The following LCORL variants were observed in gnomAD, a reference collection of about 807,000 sequenced individuals.
LCORL encodes the protein ligand-dependent nuclear receptor corepressor-like protein.
LCORL carries 41 observed loss-of-function variants against 141.8 expected under a neutral mutation model. The observed-to-expected ratio is 0.29, with a 90% confidence interval of 0.23 to 0.38. LCORL has a LOEUF of 0.38. Among genes scored for constraint, LCORL ranks in the 10% least tolerant of loss-of-function variants. LCORL has a pLI of 1.00. For synonymous variants in LCORL, 618 were observed against 694.1 expected, an observed-to-expected ratio of 0.89 and a Z score of 1.72; for missense variants, 1,759 against 2,035.0, an observed-to-expected ratio of 0.86 and a Z score of 2.61.
exon 7 of LCORL, chr4:17,873,653 C>G: frequency 8.1e-7 from 1 of 1,233,922 alleles, no homozygotes; most frequent in Non-Finnish European, 1.0e-6. Flanking sequence ...AAGAATTTTG[C>G]CTAGCAGAAT....
At chr4:17,881,887 C>A in intron 6 of LCORL, 2 of 983,084 alleles carry the variant, frequency 2.0e-6, no homozygotes, top group Non-Finnish European at 1.2e-6. Flanking sequence ...AATGCAAGTT[C>A]TGGCCCTCAC....
At position 17,972,256 on chromosome 4, in the gene LCORL, C is replaced by G. The variant is rs113065380; in HGVS notation, c.220+564G>C. ...TTTAAAAAATGTTTTACAACTCTAG[C>G]TCTTCAGATATTAGAAAGACATGTC... On this transcript the variant is annotated intron_variant, in intron 2 of 7. Transcript: ENST00000635767. Among the ~76,000 whole-genome samples the G allele has an allele frequency of 7.6e-3, 1,147 of 151,860 alleles. 11 individuals are homozygous for G. Among genetic ancestry groups the G allele is most frequent in the African/African-American group, 0.026 (1,088 of 41,516 alleles).
At chr4:17,961,829 A>C in intron 4 of LCORL, 74 bp downstream of exon 4, 2 of 1,268,816 alleles carry the variant, frequency 1.6e-6, no homozygotes, top group South Asian at 2.8e-5. Context: ...CATATAAAAA[A>C]CTTTTGTGTA....
chr4:18,001,907 A>G (rs1203410893), intron 1 of LCORL, among the ~76,000 whole-genome samples: 1 of 152,224 alleles, frequency 6.6e-6, no homozygotes, highest in Non-Finnish European at 1.5e-5. Context: ...AATTATATAC[A>G]TATATGGAAA....
intron 1 of LCORL, among the ~76,000 whole-genome samples, chr4:18,006,413 C>T (rs994467946): frequency 4.6e-5 from 7 of 152,164 alleles, no homozygotes; most frequent in African/African-American, 1.7e-4. Context: ...CTGCCTCTTA[C>T]CCAGTTCCAA....
At chr4:17,870,572 C>T (rs1726225442) in intron 7 of LCORL, among the ~76,000 whole-genome samples, 8 of 152,250 alleles carry the variant, frequency 5.3e-5, no homozygotes, top group Admixed American at 5.2e-4. Flanking sequence ...TCCTTCATGA[C>T]ATGGAGGAAC....
At chr4:17,901,425 A>G (rs1375742760) in intron 5 of LCORL, among the ~76,000 whole-genome samples, 1 of 152,112 alleles carries the variant, frequency 6.6e-6, no homozygotes, top group East Asian at 1.9e-4. Context: ...TTTACTACCA[A>G]TAAACCCTTA....
intron 1 of LCORL, among the ~76,000 whole-genome samples, chr4:17,998,985 A>AAAAAAAATATAT (rs1374815646): frequency 3.5e-4 from 20 of 57,886 alleles, no homozygotes; most frequent in African/African-American, 6.7e-4. Flanking sequence ...AAAAAAAAAA[A>AAAAAAAATATAT]ATATATATAT....
At chr4:17,906,766 C>T (rs567809296) in intron 5 of LCORL, among the ~76,000 whole-genome samples, 3 of 151,398 alleles carry the variant, frequency 2.0e-5, no homozygotes, top group Admixed American at 2.0e-4. Flanking sequence ...GGCCCACTGC[C>T]ACCTCTGCCT....
intron 2 of LCORL, among the ~76,000 whole-genome samples, chr4:17,964,695 T>G (rs1438276906): frequency 6.6e-6 from 1 of 152,134 alleles, no homozygotes; most frequent in African/African-American, 2.4e-5. Context: ...ACTTGGGACC[T>G]CACGCTCATG....
intron 4 of LCORL, among the ~76,000 whole-genome samples, chr4:17,945,899 A>G (rs1394527521): frequency 6.6e-6 from 1 of 152,030 alleles, no homozygotes; most frequent in Non-Finnish European, 1.5e-5. Context: ...AGACATAACC[A>G]CTGTTTTAAA....
chr4:17,868,851 C>T (rs539161517), intron 7 of LCORL, among the ~76,000 whole-genome samples: 1 of 152,228 alleles, frequency 6.6e-6, no homozygotes, highest in African/African-American at 2.4e-5. Flanking sequence ...TACATTCTGG[C>T]AGCTGAGATA....
At position 18,021,826 on chromosome 4, in the gene LCORL, C is replaced by T; in HGVS notation, c.-75G>A. The T allele has an allele frequency of 7.4e-7, 1 of 1,347,600 alleles. No individual in the cohort carries two copies. The allele number at this position is 1,347,600 out of a possible 1,614,324, so 83.5% of individuals were successfully genotyped here. ...GAGGCAGGGGCGCGAGCCCTCGGCG[C>T]GAGCCCCGGAGCGCGCGCCCCCCGG... On this transcript the variant is annotated 5_prime_UTR_variant, in exon 1 of 8. Transcript: ENST00000635767. The surrounding 1 kb of genome is among the most constrained non-coding windows in gnomAD (Gnocchi z 5.5).
chr4:17,964,574 T>G (rs1714486103), intron 2 of LCORL, among the ~76,000 whole-genome samples: 1 of 152,096 alleles, frequency 6.6e-6, no homozygotes, highest in South Asian at 2.1e-4. Context: ...AGTTTCAACA[T>G]TCTATATAAT....
At chr4:17,898,021 G>A (rs1730261473) in intron 5 of LCORL, among the ~76,000 whole-genome samples, 1 of 152,090 alleles carries the variant, frequency 6.6e-6, no homozygotes, top group African/African-American at 2.4e-5. Flanking sequence ...CAATCCACAT[G>A]TAATATAAGG....
At chr4:17,985,985 T>C (rs1319375694) in intron 1 of LCORL, among the ~76,000 whole-genome samples, 2 of 152,196 alleles carry the variant, frequency 1.3e-5, no homozygotes, top group Non-Finnish European at 2.9e-5. Context: ...TATTTGCTTA[T>C]TTAAAAAGGA....
At chr4:17,906,113 G>A (rs2109314544) in intron 5 of LCORL, among the ~76,000 whole-genome samples, 1 of 152,172 alleles carries the variant, frequency 6.6e-6, no homozygotes, top group East Asian at 1.9e-4. Flanking sequence ...AATATTTATA[G>A]AAAGACTGGT....
At chr4:17,902,333 T>C (rs1176011172) in intron 5 of LCORL, among the ~76,000 whole-genome samples, 1 of 152,116 alleles carries the variant, frequency 6.6e-6, no homozygotes, top group East Asian at 1.9e-4. Flanking sequence ...GAGGTTAGAT[T>C]AGAAGGGACA....
intron 7 of LCORL, among the ~76,000 whole-genome samples, chr4:17,857,096 A>C (rs1724445098): frequency 6.6e-6 from 1 of 152,206 alleles, no homozygotes; most frequent in Non-Finnish European, 1.5e-5. Flanking sequence ...GTAACAGGGT[A>C]GCAGGGACCA....
Sources: allele counts gnomAD v4.1 joint callset (sites outside exome capture counted in the v4.1 genomes callset), GRCh38; gene constraint gnomAD v4.1.1; non-coding constraint Gnocchi (gnomAD v3.1); transcripts MANE v1.5; gene names NCBI Gene and HGNC (gene_info 2026-07-23, HGNC 2026-07-21).